The following CSMD2 variants were observed in gnomAD, a reference collection of about 807,000 sequenced individuals.
CSMD2 encodes CUB and sushi domain-containing protein 2.
In CSMD2, 130 loss-of-function variants were observed where a neutral mutation model predicts 398.5. The observed-to-expected ratio is 0.33, with a 90% confidence interval of 0.28 to 0.38. The LOEUF is 0.38. CSMD2 is among the 10% of genes least tolerant of loss of function. The pLI is 1.00. For synonymous variants in CSMD2, 1,828 were observed against 1,908.5 expected (o/e 0.96, Z 1.10); for missense variants, 3,829 against 4,764.9 (o/e 0.80, Z 5.78).
intron 57 of CSMD2, among the ~76,000 whole-genome samples, 173 bp from the exon 58 acceptor site, chr1:33,543,069 C>T (rs1225099950): frequency 6.6e-6 from 1 of 151,966 alleles, no homozygotes; most frequent in Non-Finnish European, 1.5e-5. Flanking sequence ...AGGAGAGACC[C>T]CTATGAATCT....
intron 5 of CSMD2, among the ~76,000 whole-genome samples, chr1:33,899,062 AG>A (rs1642581710): frequency 6.6e-6 from 1 of 152,250 alleles, no homozygotes; most frequent in South Asian, 2.1e-4. Flanking sequence ...TGGACAACTC[AG>A]GCCACAGACC....
intron 2 of CSMD2, among the ~76,000 whole-genome samples, chr1:34,074,244 G>A (rs548800110): frequency 2.0e-5 from 3 of 152,348 alleles, no homozygotes; most frequent in South Asian, 4.1e-4. Context: ...CTTCTGCAAA[G>A]AGAATTAATA....
At chr1:33,800,523 C>T (rs1000551264) in intron 10 of CSMD2, among the ~76,000 whole-genome samples, 15 of 152,172 alleles carry the variant, frequency 9.9e-5, no homozygotes, top group Non-Finnish European at 1.6e-4. Context: ...TGCCAAGTGC[C>T]GGGCTTTGGA....
chr1:33,518,441 CCT>C lies in CSMD2; in HGVS notation c.*53+1022_*53+1023del, dbSNP rs142731883. ...TGTACACGTGTGGGTGTGTCTGCCC[CCT>C]GTCTATATTTCCGGGAGCTCCTCCC... On this transcript the variant is annotated intron_variant, in intron 70 of 70. Coordinates refer to ENST00000373381, the MANE Select transcript of CSMD2 (RefSeq NM_001281956.2). This position sits in a 1 kb window ranked among gnomAD's most constrained non-coding sequence, Gnocchi z 4.3. Among the ~76,000 whole-genome samples, 255 of 151,922 alleles carry C rather than the reference CCT, an allele frequency of 1.7e-3. 4 individuals are homozygous for C. The East Asian group carries it at 0.041, about 24-fold the overall frequency.
At chr1:33,805,618 T>C (rs931628954) in intron 10 of CSMD2, among the ~76,000 whole-genome samples, 1 of 152,154 alleles carries the variant, frequency 6.6e-6, no homozygotes, top group Non-Finnish European at 1.5e-5. Context: ...AAGATGGGGC[T>C]TTTAGGGAAG....
At chr1:33,780,439 A>C (rs1652587069) in intron 12 of CSMD2, among the ~76,000 whole-genome samples, 1 of 152,130 alleles carries the variant, frequency 6.6e-6, no homozygotes, top group South Asian at 2.1e-4. Context: ...AGTGGAATGG[A>C]GGTATGGCTG....
intron 1 of CSMD2, among the ~76,000 whole-genome samples, chr1:34,127,604 T>C (rs1377122760): frequency 6.6e-6 from 1 of 152,140 alleles, no homozygotes; most frequent in Non-Finnish European, 1.5e-5. Context: ...AGGGTAGTCA[T>C]CCTGTGATGG....
chr1:33,674,982 A>T (rs1212577800), intron 25 of CSMD2, among the ~76,000 whole-genome samples: 1 of 152,234 alleles, frequency 6.6e-6, no homozygotes, highest in Non-Finnish European at 1.5e-5. Flanking sequence ...AATTTATAGC[A>T]CTAAATGCCC....
intron 3 of CSMD2, among the ~76,000 whole-genome samples, chr1:33,977,951 C>T (rs1646028413): frequency 6.7e-6 from 1 of 149,766 alleles, no homozygotes; most frequent in Non-Finnish European, 1.5e-5. Flanking sequence ...ACACGATTCA[C>T]AATGTGGGAA....
At chr1:33,884,357 C>T (rs1641441182) in intron 5 of CSMD2, among the ~76,000 whole-genome samples, 1 of 147,920 alleles carries the variant, frequency 6.8e-6, no homozygotes, top group African/African-American at 2.6e-5. Context: ...GCCATCACCC[C>T]AGGGGCACCT....
intron 55 of CSMD2, among the ~76,000 whole-genome samples, chr1:33,554,113 A>G (rs1657727157): frequency 6.6e-6 from 1 of 152,032 alleles, no homozygotes; most frequent in African/African-American, 2.4e-5. Context: ...CAAGTTATCC[A>G]GAAGATCTAG....
chr1:33,703,560 T>C (rs942179181), intron 22 of CSMD2, among the ~76,000 whole-genome samples: 8 of 152,212 alleles, frequency 5.3e-5, no homozygotes, highest in Admixed American at 4.6e-4. Flanking sequence ...GTCAGCAAGA[T>C]GGCTGGTTTC....
intron 2 of CSMD2, among the ~76,000 whole-genome samples, chr1:34,074,877 G>A (rs1398375438): frequency 1.3e-5 from 2 of 152,164 alleles, no homozygotes; most frequent in African/African-American, 4.8e-5. Context: ...AATGAGTAAG[G>A]GACAACTAAG....
At chr1:33,931,689 C>T (rs796192828) in intron 4 of CSMD2, among the ~76,000 whole-genome samples, 2 of 152,288 alleles carry the variant, frequency 1.3e-5, no homozygotes, top group African/African-American at 4.8e-5. Flanking sequence ...GTGGAAGCTA[C>T]TTAAAATAAG....
chr1:33,763,626 G>C (rs1359335854), intron 13 of CSMD2, among the ~76,000 whole-genome samples: 1 of 152,188 alleles, frequency 6.6e-6, no homozygotes, highest in African/African-American at 2.4e-5. Flanking sequence ...GATAGGAAAT[G>C]CTGGGAGCCT....
chr1:33,878,611 C>T (rs918507716), intron 5 of CSMD2, among the ~76,000 whole-genome samples: 1 of 152,236 alleles, frequency 6.6e-6, no homozygotes, highest in Non-Finnish European at 1.5e-5. Context: ...ATTCAGTGAA[C>T]AGCCCTCATT....
rs34986232 is a variant in CSMD2 at position 33,544,273 on chromosome 1, A to ATTT, written c.9101-1380_9101-1378dup. 3.4e-3 allele frequency among the ~76,000 whole-genome samples: 467 copies of ATTT among 136,934 alleles called. 4 individuals are homozygous for ATTT. The highest frequency in any genetic ancestry group is 0.012 in the African/African-American group (423 of 35,596). 89.8% of individuals were successfully genotyped at this position (136,934 alleles called of 152,430 possible). A position where few individuals can be genotyped will look rare whatever the true frequency, so the allele number is the denominator to read the frequency against. On this transcript the variant is annotated intron_variant, in intron 57 of 70. Transcript: ENST00000373381. ...AGGCGCCTGCTACCACGACCGGCTA[A>ATTT]TTTTTTTTTTTTTTTTTGTATTTTT...
rs142733016 is a variant in CSMD2 at position 33,564,171 on chromosome 1, A to G, written c.8380+3422T>C. On this transcript the variant is annotated intron_variant, in intron 53 of 70. Coordinates refer to ENST00000373381, the MANE Select transcript of CSMD2 (RefSeq NM_001281956.2). ...ACACCGGTCTAACTATCTTATGTGT[A>G]TTAATTTATTTAATGCTCCCAGTAG... Among the ~76,000 whole-genome samples, 571 of 152,310 alleles carry G rather than the reference A, an allele frequency of 3.7e-3. 1 individual carries two copies. The highest frequency in any genetic ancestry group is 0.013 in the African/African-American group (530 of 41,544).
chr1:34,068,465 C>T (rs1187113974), intron 2 of CSMD2, among the ~76,000 whole-genome samples: 2 of 152,158 alleles, frequency 1.3e-5, no homozygotes, highest in African/African-American at 2.4e-5. Flanking sequence ...ATCCTCATAC[C>T]CATGTTATTA....
Sources: allele counts gnomAD v4.1 joint callset (sites outside exome capture counted in the v4.1 genomes callset), GRCh38; gene constraint gnomAD v4.1.1; non-coding constraint Gnocchi (gnomAD v3.1); transcripts MANE v1.5; gene names NCBI Gene and HGNC (gene_info 2026-07-23, HGNC 2026-07-21).